The following PCDHGB2 variants were observed in gnomAD, a reference collection of about 807,000 sequenced individuals.
PCDHGB2 encodes the protein protocadherin gamma-B2.
In PCDHGB2, 55 loss-of-function variants were observed where a neutral mutation model predicts 59.3. That is an observed-to-expected ratio of 0.93 (90% CI 0.75 to 1.16). The LOEUF is 1.16. Among genes scored for constraint, PCDHGB2 ranks in the 50% most tolerant of loss-of-function variants. PCDHGB2 has a pLI of 0.00. For synonymous variants in PCDHGB2, 516 were observed against 512.0 expected, an observed-to-expected ratio of 1.01 and a Z score of -0.11; for missense variants, 1,228 against 1,198.5, an observed-to-expected ratio of 1.02 and a Z score of -0.36.
At chr5:141,399,675 T>C (rs753709757) in intron 1 of PCDHGB2, 3 of 1,613,618 alleles carry the variant, frequency 1.9e-6, no homozygotes, top group South Asian at 2.2e-5. Context: ...AGCGCGCCTT[T>C]GACTACGAGC....
rs374176708 is a variant in PCDHGB2, at chr5:141,361,473, C to A, written c.1338C>A (p.Asn446Lys). Residue 446 changes from asparagine (N) to lysine (K), a missense_variant, in exon 1 of 4, where the codon AAC becomes AAA. Physicochemically the swap from Asn to Lys is moderately conservative, Grantham distance 94. Transcript: ENST00000522605. ...IIVTLHISDV[N>K]DNAPVFQQTS... Reference sequence around the variant, plus strand: ...TCACCCTGCACATCTCCGACGTCAACGATAATGCCCCAGTTTTCCAACAGA... The same window carrying A: ...TCACCCTGCACATCTCCGACGTCAAAGATAATGCCCCAGTTTTCCAACAGA... 1.9e-6 allele frequency: 3 copies of A among 1,613,906 alleles called. No homozygotes were observed. The highest frequency in any genetic ancestry group is 1.6e-4 in the Middle Eastern group (1 of 6,084).
intron 1 of PCDHGB2, among the ~76,000 whole-genome samples, chr5:141,448,917 C>T (rs913804081): frequency 2.6e-5 from 4 of 152,130 alleles, no homozygotes; most frequent in African/African-American, 9.7e-5. Context: ...TGCACTCCAG[C>T]CTGGGCGACA....
intron 1 of PCDHGB2, among the ~76,000 whole-genome samples, chr5:141,465,137 GGGGA>G (rs2099097662): frequency 2.0e-5 from 3 of 151,520 alleles, no homozygotes; most frequent in Non-Finnish European, 4.4e-5. Context: ...AAAAAGTTTA[GGGGA>G]TATATGAAGG....
rs201968743 is a variant in PCDHGB2, at chr5:141,490,095, A to G, written c.2422-4712A>G. On this transcript the variant is annotated intron_variant, in intron 1 of 3. Coordinates refer to ENST00000522605, the MANE Select transcript of PCDHGB2 (RefSeq NM_018923.3). The surrounding 1 kb of genome is among the most constrained non-coding windows in gnomAD (Gnocchi z 5.4). ...TAGACTATTCTTTTGGAGACCACAC[A>G]TCTGAGGCAGTGCGGAACCTCTTTG... 2.4e-4 allele frequency: 394 copies of G among 1,614,156 alleles called. No individual in the cohort carries two copies. The highest frequency in any genetic ancestry group is 3.1e-4 in the Non-Finnish European group (363 of 1,180,054).
rs750129951 is a variant in PCDHGB2 at position 141,375,757 on chromosome 5, T to C, written c.2421+13201T>C. The C allele has an allele frequency of 6.1e-5, 99 of 1,614,196 alleles. 1 individual carries two copies. The South Asian group carries it at 8.5e-4, about 14-fold the overall frequency. On this transcript the variant is annotated intron_variant, in intron 1 of 3. Coordinates refer to ENST00000522605, the MANE Select transcript of PCDHGB2 (RefSeq NM_018923.3). Reference sequence around the variant, plus strand: ...TGTTTGTGCTGGACCAGAATGACAATGCGCCCGAGATCCTGTACCCCGCCC... The same window carrying C: ...TGTTTGTGCTGGACCAGAATGACAACGCGCCCGAGATCCTGTACCCCGCCC...
chr5:141,403,137 G>C (rs2094359580), intron 1 of PCDHGB2: 1 of 1,614,038 alleles, frequency 6.2e-7, no homozygotes, highest in Non-Finnish European at 8.5e-7. Flanking sequence ...CTGGCGGAGC[G>C]CCGAGTCCGC....
At chr5:141,404,265 T>G in intron 1 of PCDHGB2, 1 of 1,613,998 alleles carries the variant, frequency 6.2e-7, no homozygotes, top group Non-Finnish European at 8.5e-7. Context: ...GAAATTCACA[T>G]CACCCTGCAA....
chr5:141,362,163 C>A lies in PCDHGB2; in HGVS notation c.2028C>A (p.Ser676Arg). The change falls in exon 1 of 4, where the codon AGC (serine) becomes AGA (arginine). Residue 676 changes from serine to arginine, a missense_variant. By Grantham distance (110) the Ser-to-Arg change is moderately radical. This residue lies in a region of PCDHGB2 where 433 missense variants were observed against 441.8 expected (regional missense o/e 0.98). Coordinates refer to ENST00000522605, the MANE Select transcript of PCDHGB2 (RefSeq NM_018923.3). ...TGCAAGAGGTATTGCCAGACCTCAG[C>A]GACCGCCGGGAGCCCTCTGACCCCC... is the stretch of plus-strand genomic sequence containing the variant. ...DSLQEVLPDL[S>R]DRREPSDPQA... The A allele has an allele frequency of 6.2e-7, 1 of 1,614,056 alleles. No individual in the cohort carries two copies. The highest frequency in any genetic ancestry group is 2.2e-5 in the East Asian group (1 of 44,882).
Position 141,431,883 on chromosome 5 carries a change from A to T in PCDHGB2, c.2422-62924A>T, listed in dbSNP as rs748968989. 6.8e-6 allele frequency: 11 copies of T among 1,614,118 alleles called. No individual in the cohort carries two copies. The highest frequency in any genetic ancestry group is 1.1e-5 in the South Asian group (1 of 91,084). On this transcript the variant is annotated intron_variant, in intron 1 of 3. Transcript: ENST00000522605. The surrounding 1 kb of genome is among the most constrained non-coding windows in gnomAD (Gnocchi z 4.8). ...GCCCTTTTAAATGTAAATGACCAAG[A>T]TTCTGAGGAAAACGGACAGGTGATC...
intron 1 of PCDHGB2, chr5:141,398,812 C>T (rs1255452758): frequency 1.9e-6 from 3 of 1,613,824 alleles, no homozygotes; most frequent in Admixed American, 3.3e-5. Context: ...CACTGAGCTC[C>T]GGATCCAGGT....
intron 2 of PCDHGB2, among the ~76,000 whole-genome samples, chr5:141,500,020 T>A (rs905529317): frequency 6.6e-6 from 1 of 151,918 alleles, no homozygotes; most frequent in Non-Finnish European, 1.5e-5. Flanking sequence ...ACATTTTATA[T>A]TTGAGTGAGT....
intron 1 of PCDHGB2, chr5:141,442,491 T>G (rs1438583747): frequency 6.6e-6 from 1 of 152,236 alleles, no homozygotes; most frequent in Non-Finnish European, 1.5e-5. Flanking sequence ...AGGGGATGAT[T>G]GTGATTATTC....
chr5:141,385,573 C>T lies in PCDHGB2; in HGVS notation c.2421+23017C>T, dbSNP rs576834153. 10 of 1,295,026 alleles carry T rather than the reference C, an allele frequency of 7.7e-6. No individual in the cohort carries two copies. In the East Asian group the frequency reaches 2.7e-4, roughly 35 times the overall value. The allele number at this position is 1,295,026 out of a possible 1,614,324, so 80.2% of individuals were successfully genotyped here. On this transcript the variant is annotated intron_variant, in intron 1 of 3. Coordinates refer to ENST00000522605, the MANE Select transcript of PCDHGB2 (RefSeq NM_018923.3). Reference sequence around the variant, plus strand: ...ACATTTTATAATTTCCACCTACTTTCCAATCTATGTTCCAACCTACTTTCT... The same window carrying T: ...ACATTTTATAATTTCCACCTACTTTTCAATCTATGTTCCAACCTACTTTCT...
At chr5:141,386,206 G>A (rs931130731) in intron 1 of PCDHGB2, among the ~76,000 whole-genome samples, 2 of 152,116 alleles carry the variant, frequency 1.3e-5, no homozygotes, top group East Asian at 3.9e-4. Context: ...ACCAGTAGTT[G>A]ATTTTATTTA....
chr5:141,413,824 A>C, intron 1 of PCDHGB2: 1 of 1,613,112 alleles, frequency 6.2e-7, no homozygotes, highest in South Asian at 1.1e-5. Flanking sequence ...CCTGGTCCTC[A>C]CCGCCTCCGA....
intron 1 of PCDHGB2, chr5:141,404,921 A>G: frequency 6.2e-7 from 1 of 1,613,804 alleles, no homozygotes; most frequent in South Asian, 1.1e-5. Context: ...TCTCTCGGCC[A>G]CTGTCACGCT....
At chr5:141,403,102 G>T (rs765706858) in intron 1 of PCDHGB2, 1 of 1,614,046 alleles carries the variant, frequency 6.2e-7, no homozygotes, top group Admixed American at 1.7e-5. Context: ...ACATCTCCAA[G>T]GACCTGGCTC....
rs199537783 is a variant in PCDHGB2 at position 141,389,536 on chromosome 5, A to G, written c.2421+26980A>G. 177 of 1,613,198 alleles carry G rather than the reference A, an allele frequency of 1.1e-4. No individual in the cohort carries two copies. Among genetic ancestry groups the G allele is most frequent in the Middle Eastern group, 9.9e-4 (6 of 6,036 alleles). On this transcript the variant is annotated intron_variant, in intron 1 of 3. Coordinates refer to ENST00000522605, the MANE Select transcript of PCDHGB2 (RefSeq NM_018923.3). ...AACGTGAGCCTGCGCGTGTTAGTGG[A>G]CGACCGCAACGACAATGCGCCACGG...
rs753030509 is a variant in PCDHGB2, at chr5:141,431,672, G to A, written c.2422-63135G>A. On this transcript the variant is annotated intron_variant, in intron 1 of 3. Transcript: ENST00000522605. The surrounding 1 kb of genome is among the most constrained non-coding windows in gnomAD (Gnocchi z 4.8). ...TAATTCAGGGACAATATCAACAATA[G>A]GGGAGTTGGACCACGAGGAGTCAGG... The A allele has an allele frequency of 9.3e-6, 15 of 1,614,110 alleles. No homozygotes were observed. Among genetic ancestry groups the A allele is most frequent in the African/African-American group, 4.0e-5 (3 of 74,948 alleles).
Sources: gnomAD v4.1 joint callset for allele counts (sites outside exome capture counted in the v4.1 genomes callset) on GRCh38, gnomAD v4.1.1 for gene constraint, gnomAD v4.1.1 regional missense constraint, Gnocchi (gnomAD v3.1) non-coding constraint, MANE v1.5 for transcripts, NCBI Gene and HGNC (gene_info 2026-07-23, HGNC 2026-07-21) for gene names.